GALNT13: variants seen among roughly 807,000 people sequenced by gnomAD.
The protein encoded by GALNT13 is polypeptide N-acetylgalactosaminyltransferase 13, also known as UDP-GalNAc:polypeptide N-acetylgalactosaminyltransferase 13.
A neutral mutation model predicts 64.2 loss-of-function variants in GALNT13; 28 were observed. The observed-to-expected ratio is 0.44, with a 90% confidence interval of 0.32 to 0.60. The LOEUF (loss-of-function observed/expected upper bound fraction) is 0.60. Among genes scored for constraint, GALNT13 ranks in the 20% least tolerant of loss-of-function variants. The pLI is 0.05. For missense variants in GALNT13, 577 were observed against 669.8 expected (o/e 0.86, Z 1.53); for synonymous variants, 214 against 224.6 (o/e 0.95, Z 0.42).
At chr2:153,381,216 G>C in the GALNT13 span, among the ~76,000 whole-genome samples, 1 of 152,002 alleles carries the variant, frequency 6.6e-6, no homozygotes, top group Non-Finnish European at 1.5e-5. Flanking sequence ...CGAAGTGCTG[G>C]GATTACAGGC....
At chr2:153,133,650 G>A in the GALNT13 span, among the ~76,000 whole-genome samples, 1 of 152,156 alleles carries the variant, frequency 6.6e-6, no homozygotes, top group Non-Finnish European at 1.5e-5. Context: ...CTAATGAAAA[G>A]TGAGAGTTGC....
the GALNT13 span, among the ~76,000 whole-genome samples, chr2:153,362,892 C>T: frequency 6.6e-6 from 1 of 152,146 alleles, no homozygotes; most frequent in East Asian, 1.9e-4. Flanking sequence ...ACCTAAGAGA[C>T]ATCTACAGAA....
At chr2:153,726,700 G>A in the GALNT13 span, among the ~76,000 whole-genome samples, 1 of 151,968 alleles carries the variant, frequency 6.6e-6, no homozygotes, top group Non-Finnish European at 1.5e-5. Context: ...TCAGCACTTT[G>A]GGAGGCCGAG....
intron 9 of GALNT13, among the ~76,000 whole-genome samples, chr2:154,350,681 T>C (rs1406421677): frequency 6.6e-6 from 1 of 152,180 alleles, no homozygotes; most frequent in East Asian, 1.9e-4. Context: ...TAGAGAACTC[T>C]GACTAATACA....
the GALNT13 span, among the ~76,000 whole-genome samples, chr2:153,163,935 G>T: frequency 4.6e-5 from 7 of 151,156 alleles, no homozygotes; most frequent in East Asian, 1.2e-3. Flanking sequence ...GGAGAATGGC[G>T]TGAACCCGGG....
At chr2:154,266,235 A>C (rs572330972) in intron 8 of GALNT13, among the ~76,000 whole-genome samples, 2 of 152,306 alleles carry the variant, frequency 1.3e-5, no homozygotes, top group African/African-American at 4.8e-5. Context: ...TTTGGATCTT[A>C]CTACATCTAC....
chr2:153,300,364 T>C, the GALNT13 span, among the ~76,000 whole-genome samples: 1 of 152,120 alleles, frequency 6.6e-6, no homozygotes, highest in Admixed American at 6.5e-5. Context: ...GTAAAGGAAT[T>C]GCAGAAGGGT....
chr2:153,387,934 A>G, the GALNT13 span, among the ~76,000 whole-genome samples: 1 of 152,002 alleles, frequency 6.6e-6, no homozygotes, highest in African/African-American at 2.4e-5. Flanking sequence ...ATGGGAGGAA[A>G]TGAATATTTA....
chr2:154,360,616 A>G (rs1049849536), intron 9 of GALNT13, among the ~76,000 whole-genome samples: 1 of 152,156 alleles, frequency 6.6e-6, no homozygotes, highest in Non-Finnish European at 1.5e-5. Context: ...TTTTAGAGTG[A>G]TACAAATTTG....
At chr2:153,693,515 A>T in the GALNT13 span, among the ~76,000 whole-genome samples, 23 of 152,126 alleles carry the variant, frequency 1.5e-4, no homozygotes, top group Admixed American at 1.5e-3. Context: ...ATTGATTTAA[A>T]GGTTTATTTT....
Position 154,395,971 on chromosome 2 carries a change from GT to G in GALNT13, c.1157-17del, listed in dbSNP as rs756069780. 1.3e-6 allele frequency: 2 copies of G among 1,576,512 alleles called. No homozygotes were observed. The highest frequency in any genetic ancestry group is 1.7e-6 in the Non-Finnish European group (2 of 1,163,946). ...ACAAAAATAGCACAAACTGATTTGT[GT>G]TTCTCTGAAAAATTCCAGGTGTTGT... On this transcript the variant is annotated intron_variant, in intron 9 of 12. Transcript: ENST00000392825.
the GALNT13 span, chr2:153,477,529 T>A: frequency 6.6e-6 from 1 of 152,080 alleles, no homozygotes; most frequent in East Asian, 2.0e-4. Context: ...CAGTGGGAAA[T>A]GCACTAAAAG....
At chr2:154,171,393 A>G (rs894426595) in intron 4 of GALNT13, among the ~76,000 whole-genome samples, 3 of 152,178 alleles carry the variant, frequency 2.0e-5, no homozygotes, top group African/African-American at 4.8e-5. Flanking sequence ...AAAGCATGCT[A>G]TAAATTTGTG....
the GALNT13 span, among the ~76,000 whole-genome samples, chr2:153,155,698 G>T: frequency 1.3e-5 from 2 of 151,938 alleles, no homozygotes; most frequent in African/African-American, 2.4e-5. Context: ...TTTTTGAATG[G>T]TTTTTGTGTT....
chr2:153,807,086 T>C, the GALNT13 span, among the ~76,000 whole-genome samples: 1 of 152,038 alleles, frequency 6.6e-6, no homozygotes, highest in African/African-American at 2.4e-5. Flanking sequence ...ACCATCATCA[T>C]TATTCATGCC....
At chr2:154,124,621 T>A (rs1315083825) in intron 3 of GALNT13, among the ~76,000 whole-genome samples, 1 of 152,054 alleles carries the variant, frequency 6.6e-6, no homozygotes, top group Non-Finnish European at 1.5e-5. Flanking sequence ...ACTATTCTTG[T>A]AATATTACAT....
At chr2:153,169,443 T>C in the GALNT13 span, among the ~76,000 whole-genome samples, 1 of 152,184 alleles carries the variant, frequency 6.6e-6, no homozygotes, top group Admixed American at 6.5e-5. Context: ...ATGAAGAATC[T>C]GGAAGCATGA....
chr2:153,878,039 T>G (rs1686509345), intron 1 of GALNT13, among the ~76,000 whole-genome samples: 1 of 152,158 alleles, frequency 6.6e-6, no homozygotes, highest in Non-Finnish European at 1.5e-5. Flanking sequence ...AATAATCTAA[T>G]AGTTCTCAGT....
chr2:154,446,792 T>A, intron 12 of GALNT13: 1 of 1,465,478 alleles, frequency 6.8e-7, no homozygotes, highest in African/African-American at 1.4e-5. Flanking sequence ...TTATTAAATT[T>A]ATTTTAGCAT....
Sources: allele counts gnomAD v4.1 joint callset (sites outside exome capture counted in the v4.1 genomes callset), GRCh38; gene constraint gnomAD v4.1.1; transcripts MANE v1.5; gene names NCBI Gene and HGNC (gene_info 2026-07-23, HGNC 2026-07-21).